The following ATP2B3 variants were observed in gnomAD, a reference collection of about 807,000 sequenced individuals.
ATP2B3 encodes the protein plasma membrane calcium-transporting ATPase 3.
ATP2B3 carries 12 observed loss-of-function variants against 70.8 expected under a neutral mutation model. That is an observed-to-expected ratio of 0.17 (90% CI 0.11 to 0.27). The LOEUF (loss-of-function observed/expected upper bound fraction) is 0.27. Among genes scored for constraint, ATP2B3 ranks in the 10% least tolerant of loss-of-function variants. The probability of loss-of-function intolerance (pLI) is 1.00; values close to 1 mark genes in which losing one functional copy is unlikely to be tolerated. For missense variants in ATP2B3, 858 were observed against 1,118.5 expected (o/e 0.77, Z 3.32); for synonymous variants, 460 against 497.8 (o/e 0.92, Z 1.01).
chrX:153,564,976 G>A lies in ATP2B3; in HGVS notation c.3215G>A (p.Gly1072Glu), dbSNP rs2090682354. Residue 1072 changes from glycine (G) to glutamate (E), a missense_variant, in exon 21 of 22, where the codon GGG becomes GAG. Physicochemically the swap from Gly to Glu is moderately conservative, Grantham distance 98. Around this residue, in one of 5 missense-constraint regions of ATP2B3, gnomAD observed 265 missense variants for 305.3 expected, o/e 0.87. Coordinates refer to ENST00000263519, the MANE Select transcript of ATP2B3 (RefSeq NM_001001344.3). ...QLKCLKEAGH[G>E]PGKDEMTDEE... ...AAGTGCCTGAAGGAAGCCGGGCACG[G>A]GCCCGGGAAGGACGAGATGACCGAC... 1.7e-6 allele frequency: 2 copies of A among 1,200,215 alleles called. No individual in the cohort carries two copies. Among genetic ancestry groups the A allele is most frequent in the Non-Finnish European group, 2.2e-6 (2 of 889,128 alleles).
At chrX:153,566,648 G>T (rs1055885847) in intron 21 of ATP2B3, among the ~76,000 whole-genome samples, 3 of 109,942 alleles carry the variant, frequency 2.7e-5, no homozygotes, top group African/African-American at 1.0e-4. Context: ...TCTCTCCATT[G>T]TCCTAAGGAT....
chrX:153,525,849 C>T (rs782702350), intron 2 of ATP2B3, among the ~76,000 whole-genome samples: 1 of 113,202 alleles, frequency 8.8e-6, no homozygotes, highest in Non-Finnish European at 1.9e-5. Flanking sequence ...GGGAGTGGAG[C>T]AAGAGTCCCC....
At chrX:153,549,854 T>C (rs2090430255) in intron 11 of ATP2B3, 115 bp downstream of exon 11, 1 of 1,069,176 alleles carries the variant, frequency 9.4e-7, no homozygotes, top group Non-Finnish European at 1.2e-6. Context: ...CTTGAGAACT[T>C]TTGCCCATCC....
At chrX:153,553,504 G>A (rs906892417) in intron 13 of ATP2B3, among the ~76,000 whole-genome samples, 1 of 112,254 alleles carries the variant, frequency 8.9e-6, no homozygotes, top group Non-Finnish European at 1.9e-5. Context: ...CTTCTACCAG[G>A]TGAGAAGGTG....
chrX:153,541,011 C>T (rs1557005981), intron 3 of ATP2B3, among the ~76,000 whole-genome samples: 3 of 112,615 alleles, frequency 2.7e-5, no homozygotes, highest in Non-Finnish European at 5.6e-5. Context: ...CCTTCCAGTG[C>T]CCCCTCAGCG....
intron 7 of ATP2B3, among the ~76,000 whole-genome samples, chrX:153,545,443 G>A (rs1168864141): frequency 8.8e-6 from 1 of 113,189 alleles, no homozygotes; most frequent in Non-Finnish European, 1.9e-5. Flanking sequence ...GGTCAAGGCA[G>A]GTGAATCACT....
At chrX:153,530,012 G>A (rs1042753184) in intron 2 of ATP2B3, among the ~76,000 whole-genome samples, 1 of 112,866 alleles carries the variant, frequency 8.9e-6, no homozygotes, top group Non-Finnish European at 1.9e-5. Context: ...TGTGAGTAAT[G>A]TTGCTATGAA....
Position 153,523,295 on chromosome X carries a change from C to A in ATP2B3, c.-127+4744C>A, listed in dbSNP as rs140924992. On this transcript the variant is annotated intron_variant, in intron 2 of 21. Coordinates refer to ENST00000263519, the MANE Select transcript of ATP2B3 (RefSeq NM_001001344.3). ...CAAGCACCCGGGATGTATCAGGCGG[C>A]CTTCAGTAATTACAATTTTTAATGG... Among the ~76,000 whole-genome samples the A allele has an allele frequency of 4.3e-3, 481 of 112,562 alleles. 4 individuals are homozygous for A. Among genetic ancestry groups the A allele is most frequent in the African/African-American group, 0.014 (435 of 30,995 alleles).
chrX:153,552,941 A>G (rs1557012060), intron 12 of ATP2B3, 94 bp from the exon 13 acceptor site: 1 of 741,623 alleles, frequency 1.3e-6, no homozygotes, highest in African/African-American at 2.1e-5. Context: ...TAAGGACCCC[A>G]GTCCTTGACT....
chrX:153,550,748 C>T (rs2285037), intron 12 of ATP2B3, among the ~76,000 whole-genome samples: 35,589 of 110,562 alleles, frequency 0.32, 4,343 homozygotes, highest in Non-Finnish European at 0.39. Flanking sequence ...ATGTGCATGC[C>T]ACCACGCCCA....
At chrX:153,527,151 C>T (rs1265488509) in intron 2 of ATP2B3, among the ~76,000 whole-genome samples, 1 of 112,677 alleles carries the variant, frequency 8.9e-6, no homozygotes, top group Non-Finnish European at 1.9e-5. Context: ...AGATTGGAAG[C>T]GGGCTGGGAC....
chrX:153,562,508 C>T lies in ATP2B3; in HGVS notation c.3159+266C>T, dbSNP rs185352301. 1.3e-3 allele frequency among the ~76,000 whole-genome samples: 142 copies of T among 112,267 alleles called. 1 individual carries two copies. Among genetic ancestry groups the T allele is most frequent in the African/African-American group, 4.4e-3 (135 of 30,870 alleles). ...TTCTATGATAAGAGCCAAAAATTGCCCCTTCCAATTGGGTGGGTAGCTTGG... is the reference window on the plus strand; with the variant it reads ...TTCTATGATAAGAGCCAAAAATTGCTCCTTCCAATTGGGTGGGTAGCTTGG... On this transcript the variant is annotated intron_variant, in intron 20 of 21. Coordinates refer to ENST00000263519, the MANE Select transcript of ATP2B3 (RefSeq NM_001001344.3).
intron 19 of ATP2B3, among the ~76,000 whole-genome samples, chrX:153,561,369 A>G (rs782717191): frequency 1.6e-4 from 18 of 112,424 alleles, no homozygotes; most frequent in Admixed American, 1.6e-3. Flanking sequence ...GTTCTAAAAT[A>G]TAGTGTATTT....
chrX:153,558,251 C>T lies in ATP2B3; in HGVS notation c.2573C>T (p.Thr858Met). The T allele has an allele frequency of 1.7e-6, 2 of 1,211,894 alleles. No individual in the cohort carries two copies. ...TCCAAGTTCCTGCAGTTTCAACTGA[C>T]GGTCAATGTGGTGGCTGTGATCGTG... ...SISKFLQFQL[T>M]VNVVAVIVAF... The change falls in exon 17 of 22, where the codon ACG (threonine) becomes ATG (methionine). Residue 858 changes from threonine to methionine, a missense_variant. Around this residue, in one of 5 missense-constraint regions of ATP2B3, gnomAD observed 50 missense variants for 106.7 expected, o/e 0.47. Coordinates refer to ENST00000263519, the MANE Select transcript of ATP2B3 (RefSeq NM_001001344.3).
chrX:153,556,332 T>C lies in ATP2B3; in HGVS notation c.2240T>C (p.Ile747Thr). ...CGTCCTTGTGCTTCCCCTCCCCAGATAGAACAGGAGCGGCTGGACAAGGTG... is the reference window on the plus strand; with the variant it reads ...CGTCCTTGTGCTTCCCCTCCCCAGACAGAACAGGAGCGGCTGGACAAGGTG... ...NRRIRNEKGE[I>T]EQERLDKVWP... The change falls in exon 15 of 22, where the codon ATA (isoleucine) becomes ACA (threonine). Residue 747 changes from isoleucine (I) to threonine (T), a missense_variant and splice_region_variant. Ile to Thr is a moderately conservative substitution (Grantham distance 89, BLOSUM62 -1). Coordinates refer to ENST00000263519, the MANE Select transcript of ATP2B3 (RefSeq NM_001001344.3). The C allele has an allele frequency of 8.3e-7, 1 of 1,207,693 alleles. No individual in the cohort carries two copies. Among genetic ancestry groups the C allele is most frequent in the Non-Finnish European group, 1.1e-6 (1 of 893,931 alleles).
intron 21 of ATP2B3, among the ~76,000 whole-genome samples, chrX:153,576,094 G>A (rs987607590): frequency 9.0e-6 from 1 of 111,678 alleles, no homozygotes; most frequent in Non-Finnish European, 1.9e-5. Context: ...GCTTTTGGGG[G>A]TACAGTTCAA....
At chrX:153,559,643 G>T in intron 17 of ATP2B3, 86 bp from the exon 18 acceptor site, 1 of 812,246 alleles carries the variant, frequency 1.2e-6, no homozygotes, top group Non-Finnish European at 1.8e-6. Context: ...TGGACCCCAT[G>T]AGGAGCCCCC....
intron 10 of ATP2B3, 26 bp downstream of exon 10, chrX:153,548,880 C>G: frequency 1.7e-6 from 2 of 1,187,611 alleles, no homozygotes; most frequent in South Asian, 1.8e-5. Context: ...ACAGTTGATA[C>G]TGTTTACAGA....
chrX:153,531,559 T>C (rs1017408449), intron 2 of ATP2B3, among the ~76,000 whole-genome samples: 4 of 112,987 alleles, frequency 3.5e-5, no homozygotes, highest in Non-Finnish European at 5.6e-5. Context: ...GTGGAGGGCA[T>C]GTGCCCAGGT....
Sources: allele counts gnomAD v4.1 joint callset (sites outside exome capture counted in the v4.1 genomes callset), GRCh38; gene constraint gnomAD v4.1.1; regional missense constraint gnomAD v4.1.1; transcripts MANE v1.5; gene names NCBI Gene and HGNC (gene_info 2026-07-23, HGNC 2026-07-21).